The following USP32 variants were observed in gnomAD, a reference collection of about 807,000 sequenced individuals.
USP32 encodes the protein ubiquitin specific peptidase 32.
Under a neutral mutation model 204.8 loss-of-function variants are expected in USP32, and 59 were observed. That is an observed-to-expected ratio of 0.29 (90% CI 0.23 to 0.36). USP32 has a LOEUF of 0.36. Among genes scored for constraint, USP32 ranks in the 10% least tolerant of loss-of-function variants. USP32 has a pLI of 1.00. For missense variants in USP32, 1,160 were observed against 1,946.4 expected, an observed-to-expected ratio of 0.60 and a Z score of 7.60; for synonymous variants, 517 against 678.4, an observed-to-expected ratio of 0.76 and a Z score of 3.70.
Position 60,391,978 on chromosome 17 carries a change from C to A in USP32, c.-39G>T, listed in dbSNP as rs1311665611. On this transcript the variant is annotated 5_prime_UTR_variant, in exon 1 of 34. Transcript: ENST00000300896. ...CCTCGGCGGGGGGTCGGAGCCTGAT[C>A]TCGCCCCCACCCCCCTCCCGCCTTC... 6.3e-7 allele frequency: 1 copy of A among 1,598,112 alleles called. No individual in the cohort carries two copies. Among genetic ancestry groups the A allele is most frequent in the South Asian group, 1.1e-5 (1 of 88,944 alleles).
intron 25 of USP32, 111 bp downstream of exon 25, chr17:60,206,910 A>G: frequency 1.3e-6 from 2 of 1,482,930 alleles, no homozygotes; most frequent in Non-Finnish European, 1.8e-6. Flanking sequence ...CTTGGGTTCC[A>G]AAATTCTTCT....
At chr17:60,185,850 C>G in intron 29 of USP32, 199 bp from the exon 30 acceptor site, 1 of 547,888 alleles carries the variant, frequency 1.8e-6, no homozygotes. Context: ...TTGCTTGAGT[C>G]CAGGAGTTCG....
intron 8 of USP32, 111 bp downstream of exon 8, chr17:60,265,865 T>C: frequency 1.2e-6 from 1 of 802,276 alleles, no homozygotes; most frequent in East Asian, 2.5e-5. Flanking sequence ...AGTAGCATAA[T>C]GTAGTAACTA....
intron 2 of USP32, among the ~76,000 whole-genome samples, chr17:60,330,603 G>C (rs2088357037): frequency 6.6e-6 from 1 of 150,414 alleles, no homozygotes; most frequent in Admixed American, 6.6e-5. Context: ...TCGGAGTGCA[G>C]TGGTGCAATC....
rs1011054542 is a variant in USP32 at position 60,288,447 on chromosome 17, A to G, written c.571+76T>C. The G allele has an allele frequency of 6.1e-6, 9 of 1,471,278 alleles. No homozygotes were observed. The South Asian group carries it at 9.6e-5, about 16-fold the overall frequency. The allele number at this position is 1,471,278 out of a possible 1,614,324, so 91.1% of individuals were successfully genotyped here. A position where few individuals can be genotyped will look rare whatever the true frequency, so the allele number is the denominator to read the frequency against. On this transcript the variant is annotated intron_variant, in intron 5 of 33. Coordinates refer to ENST00000300896, the MANE Select transcript of USP32 (RefSeq NM_032582.4). ...AATTTAAATAAATTTCTCCTTTATA[A>G]GCATATTCTCATATTACCAGCCAAT...
intron 16 of USP32, 32 bp downstream of exon 16, chr17:60,219,638 A>G: frequency 6.3e-7 from 1 of 1,577,692 alleles, no homozygotes; most frequent in Non-Finnish European, 8.6e-7. Flanking sequence ...CTCTCGGTAA[A>G]TGCTGAGGAA....
At chr17:60,192,633 C>T (rs1598040882) in intron 28 of USP32, among the ~76,000 whole-genome samples, 1 of 152,112 alleles carries the variant, frequency 6.6e-6, no homozygotes, top group Admixed American at 6.5e-5. Flanking sequence ...CGAGGTTTTA[C>T]TAGGTTAGGC....
chr17:60,204,006 A>G (rs2145472590), intron 26 of USP32, among the ~76,000 whole-genome samples: 1 of 152,336 alleles, frequency 6.6e-6, no homozygotes, highest in South Asian at 2.1e-4. Flanking sequence ...CCAAGTTGCC[A>G]CTATACCCGA....
chr17:60,232,666 C>T (rs1456834725), intron 12 of USP32, among the ~76,000 whole-genome samples: 1 of 151,504 alleles, frequency 6.6e-6, no homozygotes, highest in Non-Finnish European at 1.5e-5. Flanking sequence ...TGTGTCTCAG[C>T]CTCCTGAGTA....
At chr17:60,275,456 C>A (rs1275685631) in intron 5 of USP32, among the ~76,000 whole-genome samples, 1 of 152,036 alleles carries the variant, frequency 6.6e-6, no homozygotes, top group East Asian at 1.9e-4. Flanking sequence ...GACTCCATCT[C>A]AAAAACAAAC....
chr17:60,386,364 T>TAAA (rs72099332), intron 1 of USP32, among the ~76,000 whole-genome samples: 15 of 134,032 alleles, frequency 1.1e-4, no homozygotes, highest in South Asian at 7.3e-4. Flanking sequence ...GTTCATAAAT[T>TAAA]AAAAAAAAAA....
At chr17:60,326,138 G>A (rs987064505) in intron 2 of USP32, among the ~76,000 whole-genome samples, 3 of 151,536 alleles carry the variant, frequency 2.0e-5, no homozygotes, top group Admixed American at 2.0e-4. Flanking sequence ...TTTTAACTAT[G>A]TGCATATGTC....
At chr17:60,281,363 C>T (rs1384176122) in intron 5 of USP32, among the ~76,000 whole-genome samples, 1 of 152,074 alleles carries the variant, frequency 6.6e-6, no homozygotes, top group Non-Finnish European at 1.5e-5. Flanking sequence ...ATGGTGAAAC[C>T]CCATCTCTAC....
chr17:60,407,957 G>T (rs2089991606), intron 1 of USP32, among the ~76,000 whole-genome samples: 1 of 151,938 alleles, frequency 6.6e-6, no homozygotes, highest in Admixed American at 6.6e-5. Flanking sequence ...AATCAGCTGG[G>T]CGTGGGGGTG....
At position 60,179,114 on chromosome 17, in the gene USP32, T is replaced by C. The variant is rs2084036025; in HGVS notation, c.*141A>G. ...TACTCTTAAAGTTAACTATTTTAAT[T>C]AGAATTTTTATTTTGTGCTTCAGGG... On this transcript the variant is annotated 3_prime_UTR_variant, in exon 34 of 34. Transcript: ENST00000300896. The C allele has an allele frequency of 2.1e-6, 2 of 965,434 alleles. No homozygotes were observed. Among genetic ancestry groups the C allele is most frequent in the South Asian group, 2.1e-5 (1 of 47,670 alleles). 59.8% of individuals were successfully genotyped at this position (965,434 alleles called of 1,614,324 possible). A position where few individuals can be genotyped will look rare whatever the true frequency, so the allele number is the denominator to read the frequency against.
intron 1 of USP32, among the ~76,000 whole-genome samples, chr17:60,384,791 C>CAA (rs78025849): frequency 1.6e-5 from 2 of 121,454 alleles, no homozygotes; most frequent in Non-Finnish European, 3.5e-5. Flanking sequence ...AAACTCCGTC[C>CAA]AAAAAAAAAA....
intron 5 of USP32, among the ~76,000 whole-genome samples, chr17:60,276,968 A>ATATATAT (rs1567821781): frequency 2.2e-5 from 3 of 134,292 alleles, no homozygotes; most frequent in African/African-American, 1.1e-4. Flanking sequence ...TATATATATA[A>ATATATAT]AATTACCAAA....
chr17:60,323,908 T>C (rs1047182219), intron 2 of USP32, among the ~76,000 whole-genome samples: 8 of 152,198 alleles, frequency 5.3e-5, no homozygotes, highest in Middle Eastern at 3.2e-3. Context: ...TCTTCAAAGA[T>C]GGAATACTAG....
At chr17:60,387,648 G>C (rs1472804179) in intron 1 of USP32, among the ~76,000 whole-genome samples, 1 of 152,038 alleles carries the variant, frequency 6.6e-6, no homozygotes, top group Non-Finnish European at 1.5e-5. Context: ...CTATGAATAG[G>C]CTTACATTCT....
Sources: gnomAD v4.1 joint callset for allele counts (sites outside exome capture counted in the v4.1 genomes callset) on GRCh38, gnomAD v4.1.1 for gene constraint, MANE v1.5 for transcripts, NCBI Gene and HGNC (gene_info 2026-07-23, HGNC 2026-07-21) for gene names.